The following PCNX1 variants were observed in gnomAD, a reference collection of about 807,000 sequenced individuals.
The protein encoded by PCNX1 is pecanex 1, also known as pecanex-like protein 1.
In PCNX1, 78 loss-of-function variants were observed where a neutral mutation model predicts 242.2. The ratio of observed to expected loss-of-function variants is 0.32; its 90% CI spans 0.27 to 0.39. The LOEUF (loss-of-function observed/expected upper bound fraction) is 0.39. Ranked by LOEUF, PCNX1 falls within the 10% of genes least tolerant of loss-of-function variation. The pLI is 1.00. For missense variants in PCNX1, 2,581 were observed against 2,856.5 expected, an observed-to-expected ratio of 0.90 and a Z score of 2.20; for synonymous variants, 1,024 against 1,032.9, an observed-to-expected ratio of 0.99 and a Z score of 0.17.
intron 1 of PCNX1, among the ~76,000 whole-genome samples, chr14:70,929,998 A>G (rs2056731149): frequency 6.6e-6 from 1 of 152,114 alleles, no homozygotes; most frequent in Non-Finnish European, 1.5e-5. Context: ...ACATAAGATT[A>G]TTTTAGTCCA....
At chr14:71,067,220 C>G (rs185466927) in intron 26 of PCNX1, among the ~76,000 whole-genome samples, 1 of 151,966 alleles carries the variant, frequency 6.6e-6, no homozygotes, top group Non-Finnish European at 1.5e-5. Flanking sequence ...TGGTAGAATT[C>G]GGCTGTGAAT....
At chr14:71,023,268 C>A (rs761402578) in intron 13 of PCNX1, 36 bp downstream of exon 13, 9 of 1,453,298 alleles carry the variant, frequency 6.2e-6, no homozygotes, top group Non-Finnish European at 8.7e-6. Flanking sequence ...CATTATAGGT[C>A]CTTAACATTT....
chr14:70,948,587 A>T (rs1032575077), intron 2 of PCNX1, among the ~76,000 whole-genome samples: 2 of 151,730 alleles, frequency 1.3e-5, no homozygotes, highest in Non-Finnish European at 2.9e-5. Context: ...ACACATATGC[A>T]TATATAGATA....
At chr14:71,059,205 C>T (rs1026483045) in intron 26 of PCNX1, among the ~76,000 whole-genome samples, 15 of 152,114 alleles carry the variant, frequency 9.9e-5, no homozygotes, top group African/African-American at 3.6e-4. Flanking sequence ...AAAAGTTATC[C>T]AGATTTTTAT....
chr14:71,017,595 A>C (rs1330336057), intron 11 of PCNX1, among the ~76,000 whole-genome samples: 1 of 152,218 alleles, frequency 6.6e-6, no homozygotes, highest in Admixed American at 6.5e-5. Context: ...GATTAGGCAA[A>C]ATTACTTAGC....
chr14:71,040,958 A>G (rs1204535185), intron 19 of PCNX1, among the ~76,000 whole-genome samples: 2 of 152,166 alleles, frequency 1.3e-5, no homozygotes. Flanking sequence ...TTCACTTAAC[A>G]TAATGACCTC....
At position 71,113,556 on chromosome 14, in the gene PCNX1, C is replaced by CT. The variant is rs546391409; in HGVS notation, c.*3622dup. The CT allele has an allele frequency of 4.6e-5, 7 of 152,794 alleles. No homozygotes were observed. In the East Asian group the frequency reaches 1.3e-3, roughly 29 times the overall value. 9.5% of individuals were successfully genotyped at this position (152,794 alleles called of 1,614,324 possible). Reference sequence around the variant, plus strand: ...GCTTCTGAGCAGCATCCTTCTGCCTCTGCTTAGCAGCTCTGCATTTGGTGG... The same window carrying CT: ...GCTTCTGAGCAGCATCCTTCTGCCTCTTGCTTAGCAGCTCTGCATTTGGTGG... On this transcript the variant is annotated 3_prime_UTR_variant, in exon 36 of 36. Coordinates refer to ENST00000304743, the MANE Select transcript of PCNX1 (RefSeq NM_014982.3).
At chr14:70,980,617 G>T (rs2058810438) in intron 6 of PCNX1, among the ~76,000 whole-genome samples, 1 of 152,098 alleles carries the variant, frequency 6.6e-6, no homozygotes. Context: ...TAGGGGTTTT[G>T]TTGGGAGTTT....
intron 6 of PCNX1, among the ~76,000 whole-genome samples, chr14:70,983,991 G>A (rs1444773657): frequency 6.6e-6 from 1 of 151,348 alleles, no homozygotes; most frequent in Non-Finnish European, 1.5e-5. Context: ...TCTTTATATA[G>A]TAATTTTGTT....
chr14:70,992,510 T>TA (rs2059196757), intron 7 of PCNX1, among the ~76,000 whole-genome samples: 2 of 152,074 alleles, frequency 1.3e-5, no homozygotes, highest in Non-Finnish European at 2.9e-5. Context: ...ATCATACTCT[T>TA]AGACTTTACA....
At chr14:70,948,890 TAC>T (rs571579518) in intron 2 of PCNX1, among the ~76,000 whole-genome samples, 4 of 148,664 alleles carry the variant, frequency 2.7e-5, no homozygotes, top group South Asian at 2.1e-4. Flanking sequence ...TGTGTATATA[TAC>T]ACACATACGT....
At chr14:70,985,394 A>G (rs2140212896) in intron 6 of PCNX1, among the ~76,000 whole-genome samples, 1 of 152,112 alleles carries the variant, frequency 6.6e-6, no homozygotes, top group African/African-American at 2.4e-5. Context: ...TTGTATTTTT[A>G]GTAGAGACAG....
intron 1 of PCNX1, among the ~76,000 whole-genome samples, chr14:70,937,774 T>C (rs2057069918): frequency 6.6e-6 from 1 of 152,236 alleles, no homozygotes; most frequent in Admixed American, 6.5e-5. Flanking sequence ...GAGCATGGAA[T>C]GTTCTTCCAT....
chr14:71,041,366 T>G (rs2060698908), intron 19 of PCNX1, among the ~76,000 whole-genome samples: 1 of 152,146 alleles, frequency 6.6e-6, no homozygotes, highest in African/African-American at 2.4e-5. Flanking sequence ...TATTATGGCT[T>G]TGATCTTTTT....
intron 8 of PCNX1, among the ~76,000 whole-genome samples, chr14:70,997,892 T>A (rs1043371941): frequency 6.6e-6 from 1 of 152,184 alleles, no homozygotes; most frequent in Admixed American, 6.5e-5. Flanking sequence ...GTGAATGAAT[T>A]TGGGTACTTT....
chr14:70,957,892 G>C (rs888224402), intron 2 of PCNX1, among the ~76,000 whole-genome samples: 2 of 152,112 alleles, frequency 1.3e-5, no homozygotes, highest in Admixed American at 6.6e-5. Flanking sequence ...TCTCCTTTCT[G>C]TGTTGTTATT....
chr14:70,966,352 C>T (rs142688572), intron 3 of PCNX1, among the ~76,000 whole-genome samples: 26 of 152,300 alleles, frequency 1.7e-4, no homozygotes, highest in African/African-American at 4.3e-4. Flanking sequence ...AGCAGCCTAA[C>T]GTTAGGCCTC....
intron 26 of PCNX1, among the ~76,000 whole-genome samples, chr14:71,073,021 AGT>A (rs1197371791): frequency 6.6e-6 from 1 of 152,248 alleles, no homozygotes; most frequent in Non-Finnish European, 1.5e-5. Flanking sequence ...TCAGACCCGT[AGT>A]GTGAGTGCGG....
chr14:71,008,830 C>G (rs1434916978), intron 8 of PCNX1, among the ~76,000 whole-genome samples: 1 of 151,912 alleles, frequency 6.6e-6, no homozygotes, highest in Non-Finnish European at 1.5e-5. Flanking sequence ...ATTTATGCTC[C>G]CTTTTCATCA....
Sources: allele counts gnomAD v4.1 joint callset (sites outside exome capture counted in the v4.1 genomes callset), GRCh38; gene constraint gnomAD v4.1.1; transcripts MANE v1.5; gene names NCBI Gene and HGNC (gene_info 2026-07-23, HGNC 2026-07-21).